MECOM: variants seen among roughly 807,000 people sequenced by gnomAD.
The protein encoded by MECOM is MDS1 and EVI1 complex locus.
In MECOM, 13 loss-of-function variants were observed where a neutral mutation model predicts 116.3. The observed-to-expected ratio is 0.11, with a 90% CI of 0.07 to 0.18. The LOEUF is 0.18. MECOM is among the 10% of genes least tolerant of loss of function. The pLI is 1.00. For missense variants in MECOM, 1,299 were observed against 1,509.0 expected (o/e 0.86, Z 2.31); for synonymous variants, 528 against 535.2 (o/e 0.99, Z 0.19).
chr3:169,146,454 G>A, intron 2 of MECOM: 1 of 1,386,970 alleles, frequency 7.2e-7, no homozygotes, highest in South Asian at 1.1e-5. Flanking sequence ...AAAAGAGGCC[G>A]ACAAGCCGGC....
intron 1 of MECOM, among the ~76,000 whole-genome samples, chr3:169,456,308 G>A (rs1035466117): frequency 2.0e-5 from 3 of 152,118 alleles, no homozygotes; most frequent in Non-Finnish European, 4.4e-5. Context: ...TAGAGATGGG[G>A]GGATTTCAGT....
chr3:169,399,650 A>T (rs1439110091), intron 1 of MECOM, among the ~76,000 whole-genome samples: 1 of 152,244 alleles, frequency 6.6e-6, no homozygotes, highest in Non-Finnish European at 1.5e-5. Flanking sequence ...ACCTTGTACA[A>T]CACAAGCTAG....
chr3:169,154,868 A>G (rs1194024760), intron 2 of MECOM, among the ~76,000 whole-genome samples: 1 of 152,082 alleles, frequency 6.6e-6, no homozygotes, highest in African/African-American at 2.4e-5. Flanking sequence ...ATACTTCTAA[A>G]CCAACCATTT....
intron 1 of MECOM, among the ~76,000 whole-genome samples, chr3:169,421,009 G>A (rs1165946404): frequency 6.6e-6 from 1 of 152,088 alleles, no homozygotes; most frequent in Non-Finnish European, 1.5e-5. Flanking sequence ...ATTTGGCAAT[G>A]ATGACAGTGT....
At chr3:169,321,461 G>A (rs77728560) in intron 2 of MECOM, among the ~76,000 whole-genome samples, 9,854 of 152,074 alleles carry the variant, frequency 0.065, 800 homozygotes, top group African/African-American at 0.18. Flanking sequence ...AATCACTTGA[G>A]CCCGGGAAGG....
chr3:169,478,830 C>A lies in MECOM; in HGVS notation c.38-97306G>T, dbSNP rs1433958452. Among the ~76,000 whole-genome samples, 7 of 152,232 alleles carry A rather than the reference C, an allele frequency of 4.6e-5. No homozygotes were observed. In the East Asian group the frequency reaches 1.3e-3, roughly 29 times the overall value. ...ACGTCATTTTAGGCCCATTTTTAAC[C>A]ATACTGGGTCATTTTACAATTCAGA... On this transcript the variant is annotated intron_variant, in intron 1 of 16. Coordinates refer to ENST00000651503, the MANE Select transcript of MECOM (RefSeq NM_004991.4).
rs1747190796 is a variant in MECOM at position 169,460,133 on chromosome 3, T to G, written c.38-78609A>C. On this transcript the variant is annotated intron_variant, in intron 1 of 16. Coordinates refer to ENST00000651503, the MANE Select transcript of MECOM (RefSeq NM_004991.4). ...CCTGGGATCTCAGACTCCCACGTCC[T>G]CACTGGGAACACTAGACAATACTGA... Among the ~76,000 whole-genome samples, 3 of 152,100 alleles carry G rather than the reference T, an allele frequency of 2.0e-5. 1 individual carries two copies. Among genetic ancestry groups the G allele is most frequent in the Admixed American group, 2.0e-4 (3 of 15,246 alleles).
At chr3:169,366,381 T>C (rs893396902) in intron 2 of MECOM, among the ~76,000 whole-genome samples, 1 of 151,722 alleles carries the variant, frequency 6.6e-6, no homozygotes, top group East Asian at 2.0e-4. Context: ...ATTGCAATAA[T>C]ACTACCTCAA....
At chr3:169,450,275 C>T (rs1431360323) in intron 1 of MECOM, among the ~76,000 whole-genome samples, 4 of 152,082 alleles carry the variant, frequency 2.6e-5, no homozygotes, top group African/African-American at 7.2e-5. Flanking sequence ...GGGAAATTCA[C>T]GATTTAGTAC....
chr3:169,108,482 G>A (rs567124349), intron 9 of MECOM, among the ~76,000 whole-genome samples: 4 of 152,116 alleles, frequency 2.6e-5, no homozygotes, highest in Non-Finnish European at 4.4e-5. Context: ...AGTTAAGAAC[G>A]TTAATGGAAA....
At chr3:169,472,513 G>GAAAAGAAAAGAAAAGAAAAGAAAAGA (rs1560317687) in intron 1 of MECOM, among the ~76,000 whole-genome samples, 1 of 81,508 alleles carries the variant, frequency 1.2e-5, no homozygotes, top group African/African-American at 5.7e-5. Flanking sequence ...GAAAGGAAAG[G>GAAAAGAAAAGAAAAGAAAAGAAAAGA]AAAGGAAAGA....
intron 1 of MECOM, among the ~76,000 whole-genome samples, chr3:169,560,168 G>A (rs571082343): frequency 3.9e-5 from 6 of 152,168 alleles, no homozygotes; most frequent in Admixed American, 1.3e-4. Flanking sequence ...TTAAGAATCA[G>A]TAAAATTTTA....
intron 2 of MECOM, among the ~76,000 whole-genome samples, chr3:169,266,341 T>A (rs1758298399): frequency 6.6e-6 from 1 of 152,210 alleles, no homozygotes; most frequent in African/African-American, 2.4e-5. Context: ...GTAATTATGC[T>A]ATTGTTAGTC....
At chr3:169,618,140 C>A (rs559147077) in intron 1 of MECOM, among the ~76,000 whole-genome samples, 1 of 152,274 alleles carries the variant, frequency 6.6e-6, no homozygotes, top group African/African-American at 2.4e-5. Flanking sequence ...CAATATGGGG[C>A]CATGGCATAT....
At chr3:169,103,236 T>C (rs1227781503) in intron 10 of MECOM, among the ~76,000 whole-genome samples, 1 of 151,912 alleles carries the variant, frequency 6.6e-6, no homozygotes, top group African/African-American at 2.4e-5. Context: ...CCCAAAGTGC[T>C]GGGATTATAG....
intron 2 of MECOM, among the ~76,000 whole-genome samples, chr3:169,340,321 G>A (rs1724297857): frequency 6.6e-6 from 1 of 152,158 alleles, no homozygotes; most frequent in Admixed American, 6.6e-5. Context: ...CTCTAGTAGT[G>A]TAAATAGCTT....
At chr3:169,550,466 A>G (rs1761234541) in intron 1 of MECOM, among the ~76,000 whole-genome samples, 1 of 152,250 alleles carries the variant, frequency 6.6e-6, no homozygotes, top group South Asian at 2.1e-4. Context: ...TTACCAGCAG[A>G]GCATGAATAT....
intron 2 of MECOM, among the ~76,000 whole-genome samples, chr3:169,305,688 C>T (rs1482506240): frequency 6.6e-6 from 1 of 152,206 alleles, no homozygotes; most frequent in African/African-American, 2.4e-5. Flanking sequence ...TGCTCACTTT[C>T]ATGCCACACC....
At chr3:169,596,263 G>A (rs1245658120) in intron 1 of MECOM, among the ~76,000 whole-genome samples, 1 of 152,206 alleles carries the variant, frequency 6.6e-6, no homozygotes, top group Non-Finnish European at 1.5e-5. Context: ...AAACTCTTGT[G>A]CCAAGAGCTT....
Sources: gnomAD v4.1 joint callset for allele counts (sites outside exome capture counted in the v4.1 genomes callset) on GRCh38, gnomAD v4.1.1 for gene constraint, MANE v1.5 for transcripts, NCBI Gene and HGNC (gene_info 2026-07-23, HGNC 2026-07-21) for gene names.